The following SHISA9 variants were observed in gnomAD, a reference collection of about 807,000 sequenced individuals.
The protein encoded by SHISA9 is shisa family member 9, also known as protein shisa-9.
SHISA9 carries 13 observed loss-of-function variants against 38.0 expected under a neutral mutation model. That is an observed-to-expected ratio of 0.34 (90% confidence interval 0.22 to 0.54). The LOEUF is 0.54. Among genes scored for constraint, SHISA9 ranks in the 20% least tolerant of loss-of-function variants. SHISA9 has a pLI of 0.91. For synonymous variants in SHISA9, 275 were observed against 242.0 expected (o/e 1.14, Z -1.27); for missense variants, 538 against 575.8 (o/e 0.93, Z 0.67).
the SHISA9 span, among the ~76,000 whole-genome samples, chr16:13,428,322 A>G: frequency 6.6e-6 from 1 of 152,236 alleles, no homozygotes; most frequent in Non-Finnish European, 1.5e-5. Flanking sequence ...AAATTCATTC[A>G]AAAACATTGG....
chr16:13,262,661 GAA>G, the SHISA9 span, among the ~76,000 whole-genome samples: 40 of 108,160 alleles, frequency 3.7e-4, no homozygotes, highest in African/African-American at 1.3e-3. Flanking sequence ...AGGAAGGAAG[GAA>G]GGAAGGAAGG....
the SHISA9 span, among the ~76,000 whole-genome samples, chr16:13,305,586 T>C: frequency 1.3e-5 from 2 of 152,258 alleles, no homozygotes; most frequent in South Asian, 4.1e-4. Context: ...GGGAAGTCCA[T>C]GTGGTAAGGA....
chr16:13,380,053 T>A, the SHISA9 span, among the ~76,000 whole-genome samples: 4 of 151,926 alleles, frequency 2.6e-5, no homozygotes, highest in African/African-American at 7.2e-5. Context: ...ATTAAGAACA[T>A]CTCAGAGGAA....
At chr16:13,020,381 C>A (rs181918535) in intron 2 of SHISA9, among the ~76,000 whole-genome samples, 1 of 152,204 alleles carries the variant, frequency 6.6e-6, no homozygotes, top group Non-Finnish European at 1.5e-5. Context: ...CTCCAAAAGG[C>A]TCCAGTGTGT....
At chr16:13,323,102 C>CA in the SHISA9 span, among the ~76,000 whole-genome samples, 1 of 152,078 alleles carries the variant, frequency 6.6e-6, no homozygotes, top group African/African-American at 2.4e-5. Flanking sequence ...TTTCTTCTTT[C>CA]AAAAATGGGG....
At chr16:13,410,877 T>C in the SHISA9 span, among the ~76,000 whole-genome samples, 141 of 152,320 alleles carry the variant, frequency 9.3e-4, 1 homozygote, top group African/African-American at 3.3e-3. Flanking sequence ...GATTTGTATG[T>C]AACTGACAAT....
At chr16:13,279,534 A>G in the SHISA9 span, among the ~76,000 whole-genome samples, 43 of 152,034 alleles carry the variant, frequency 2.8e-4, no homozygotes, top group African/African-American at 9.6e-4. Context: ...TGTTATTTCA[A>G]TCCTCTCAAA....
At chr16:13,060,417 T>C (rs2073360305) in intron 2 of SHISA9, among the ~76,000 whole-genome samples, 1 of 152,100 alleles carries the variant, frequency 6.6e-6, no homozygotes, top group South Asian at 2.1e-4. Flanking sequence ...CTCTCTAGGA[T>C]TCCGTTTTCT....
the SHISA9 span, among the ~76,000 whole-genome samples, chr16:13,283,176 T>C: frequency 6.6e-6 from 1 of 152,186 alleles, no homozygotes; most frequent in Non-Finnish European, 1.5e-5. Context: ...GGTTGATCAC[T>C]AGGAACTTTG....
intron 2 of SHISA9, among the ~76,000 whole-genome samples, chr16:13,080,179 C>G (rs981539872): frequency 6.6e-6 from 1 of 152,112 alleles, no homozygotes; most frequent in Non-Finnish European, 1.5e-5. Context: ...TGAGACCATC[C>G]TGGCTAACAT....
At chr16:13,562,511 T>A in the SHISA9 span, among the ~76,000 whole-genome samples, 1 of 151,318 alleles carries the variant, frequency 6.6e-6, no homozygotes, top group Non-Finnish European at 1.5e-5. Flanking sequence ...GCACCTGTAG[T>A]CCCAGCTGCT....
At chr16:13,310,948 C>T in the SHISA9 span, among the ~76,000 whole-genome samples, 3 of 152,104 alleles carry the variant, frequency 2.0e-5, no homozygotes, top group Non-Finnish European at 4.4e-5. Flanking sequence ...TCCCAACGTG[C>T]TGGTATTACA....
At chr16:13,266,814 A>G in the SHISA9 span, among the ~76,000 whole-genome samples, 1 of 152,140 alleles carries the variant, frequency 6.6e-6, no homozygotes, top group Non-Finnish European at 1.5e-5. Context: ...TCTTAGGAAT[A>G]AGACCTTCAT....
intron 2 of SHISA9, among the ~76,000 whole-genome samples, chr16:13,181,617 G>C (rs1039025892): frequency 1.3e-5 from 2 of 151,934 alleles, no homozygotes; most frequent in African/African-American, 4.8e-5. Flanking sequence ...TCTGAAGCAG[G>C]GGAATGATGT....
At chr16:13,415,868 CG>C in the SHISA9 span, among the ~76,000 whole-genome samples, 1 of 147,622 alleles carries the variant, frequency 6.8e-6, no homozygotes, top group Admixed American at 6.7e-5. Flanking sequence ...TTGTATGAAA[CG>C]AAAAAAAGAG....
At chr16:13,444,123 C>T in the SHISA9 span, among the ~76,000 whole-genome samples, 1 of 152,310 alleles carries the variant, frequency 6.6e-6, no homozygotes, top group East Asian at 1.9e-4. Flanking sequence ...GTCATCCAAG[C>T]ACTTTGGGAG....
chr16:13,118,002 T>G (rs1322589129), intron 2 of SHISA9, among the ~76,000 whole-genome samples: 1 of 151,850 alleles, frequency 6.6e-6, no homozygotes, highest in African/African-American at 2.4e-5. Flanking sequence ...GCCAACATGG[T>G]GAAACCCCAT....
At chr16:13,028,940 G>A (rs947250889) in intron 2 of SHISA9, among the ~76,000 whole-genome samples, 2 of 152,150 alleles carry the variant, frequency 1.3e-5, no homozygotes, top group African/African-American at 4.8e-5. Flanking sequence ...TTCCCTGAAG[G>A]AAAGTAAAGG....
At chr16:13,137,094 A>C (rs79477627) in intron 2 of SHISA9, among the ~76,000 whole-genome samples, 1,744 of 152,302 alleles carry the variant, frequency 0.011, 37 homozygotes, top group African/African-American at 0.04. Context: ...TTTCCCTTTC[A>C]GGAGTTTTCA....
Sources: allele counts gnomAD v4.1 joint callset (sites outside exome capture counted in the v4.1 genomes callset), GRCh38; gene constraint gnomAD v4.1.1; transcripts MANE v1.5; gene names NCBI Gene and HGNC (gene_info 2026-07-23, HGNC 2026-07-21).